Variants in CSDE1 observed in about 807,000 individuals in gnomAD.
The protein encoded by CSDE1 is cold shock domain-containing protein E1.
Under a neutral mutation model 89.3 loss-of-function variants are expected in CSDE1, and 17 were observed. That is an observed-to-expected ratio of 0.19 (90% CI 0.13 to 0.29). The LOEUF (loss-of-function observed/expected upper bound fraction) is 0.29. Among genes scored for constraint, CSDE1 ranks in the 10% least tolerant of loss-of-function variants. The pLI is 1.00. For synonymous variants in CSDE1, 322 were observed against 332.8 expected (o/e 0.97, Z 0.35); for missense variants, 672 against 984.2 (o/e 0.68, Z 4.24).
chr1:114,718,262 G>A (rs780294044), intron 19 of CSDE1, 46 bp from the exon 20 acceptor site: 45 of 1,386,270 alleles, frequency 3.2e-5, no homozygotes, highest in Admixed American at 2.1e-4. Context: ...TGATTTGAGC[G>A]CACAACAATC....
At chr1:114,721,451 C>T (rs941997857) in intron 16 of CSDE1, among the ~76,000 whole-genome samples, 1 of 152,116 alleles carries the variant, frequency 6.6e-6, no homozygotes, top group Non-Finnish European at 1.5e-5. Flanking sequence ...AAAAACTATG[C>T]CAAAGAATTC....
intron 14 of CSDE1, 94 bp downstream of exon 14, chr1:114,726,117 A>G (rs1172196033): frequency 1.6e-6 from 2 of 1,248,944 alleles, no homozygotes; most frequent in Middle Eastern, 2.7e-4. Context: ...CTGAACCTCA[A>G]CAAGTATAAT....
chr1:114,741,709 C>T, intron 2 of CSDE1: 2 of 1,424,384 alleles, frequency 1.4e-6, no homozygotes, highest in Non-Finnish European at 1.9e-6. Flanking sequence ...TAACTATGAT[C>T]AATAACAATT....
Position 114,738,124 on chromosome 1 carries a change from A to G in CSDE1, c.200-52T>C, listed in dbSNP as rs183091344. ...GTTGAACTGATTTTTGCGAAACGAT[A>G]TATTGCTTCCAAGCTATACTTAACA... On this transcript the variant is annotated intron_variant, in intron 3 of 19. Transcript: ENST00000358528. 1,003 of 1,342,852 alleles carry G rather than the reference A, an allele frequency of 7.5e-4. 7 individuals carry two copies. In the African/African-American group the frequency reaches 0.013, roughly 17 times the overall value. The allele number at this position is 1,342,852 out of a possible 1,614,324, so 83.2% of individuals were successfully genotyped here.
rs752985259 is a variant in CSDE1 at position 114,738,661 on chromosome 1, C to CTTTTTTTTTT, written c.200-599_200-590dup. ...AAGCCAAACACTTCACATGTAAAAA[C>CTTTTTTTTTT]TTTTTTTTTTTTTTTTTTTTTTTTT... is the stretch of plus-strand genomic sequence containing the variant. On this transcript the variant is annotated intron_variant, in intron 3 of 19. Coordinates refer to ENST00000358528, the MANE Select transcript of CSDE1 (RefSeq NM_001007553.3). Among the ~76,000 whole-genome samples the CTTTTTTTTTT allele has an allele frequency of 1.6e-3, 132 of 80,044 alleles. 8 individuals carry two copies. Among genetic ancestry groups the CTTTTTTTTTT allele is most frequent in the Non-Finnish European group, 2.3e-3 (97 of 41,990 alleles). 52.5% of individuals were successfully genotyped at this position (80,044 alleles called of 152,430 possible). A position where few individuals can be genotyped will look rare whatever the true frequency, so the allele number is the denominator to read the frequency against.
intron 2 of CSDE1, among the ~76,000 whole-genome samples, chr1:114,745,367 A>C (rs993590735): frequency 1.3e-5 from 2 of 152,236 alleles, no homozygotes; most frequent in Admixed American, 6.5e-5. Flanking sequence ...TAACTTATGT[A>C]ATGCTATGTG....
intron 2 of CSDE1, among the ~76,000 whole-genome samples, chr1:114,742,357 G>C (rs887380948): frequency 2.6e-5 from 4 of 152,184 alleles, no homozygotes; most frequent in Admixed American, 6.5e-5. Context: ...GGGAGGCCGG[G>C]GTGGACATGA....
At chr1:114,751,845 A>G (rs193203676) in intron 1 of CSDE1, among the ~76,000 whole-genome samples, 39 of 152,258 alleles carry the variant, frequency 2.6e-4, no homozygotes, top group African/African-American at 7.0e-4. Context: ...TTCCCTCGCT[A>G]TATCTTTTGT....
intron 2 of CSDE1, among the ~76,000 whole-genome samples, chr1:114,746,276 A>C (rs1282783387): frequency 6.6e-6 from 1 of 152,180 alleles, no homozygotes; most frequent in African/African-American, 2.4e-5. Flanking sequence ...TAAAGTACTG[A>C]GTGATTACAC....
chr1:114,732,649 T>C lies in CSDE1; in HGVS notation c.1005A>G (p.Glu335=). The C allele has an allele frequency of 6.2e-7, 1 of 1,614,190 alleles. No individual in the cohort carries two copies. Among genetic ancestry groups the C allele is most frequent in the Non-Finnish European group, 8.5e-7 (1 of 1,180,032 alleles). The change falls in exon 10 of 20, where the codon GAA becomes GAG. Residue 335 remains glutamate (E), a synonymous_variant. Coordinates refer to ENST00000358528, the MANE Select transcript of CSDE1 (RefSeq NM_001007553.3). The part of the protein sequence containing the change: ...RDKLERATNI[E]VLSNTFQFTN... ...TGAACTGAAATGTATTTGACAGAACTTCTATATTGGTTGCTCGCTCTAATT... is the reference window on the plus strand; with the variant it reads ...TGAACTGAAATGTATTTGACAGAACCTCTATATTGGTTGCTCGCTCTAATT...
intron 16 of CSDE1, among the ~76,000 whole-genome samples, chr1:114,722,041 C>T (rs149130397): frequency 6.6e-6 from 1 of 151,798 alleles, no homozygotes; most frequent in Non-Finnish European, 1.5e-5. Flanking sequence ...ACCATGATAC[C>T]TGGCTAATTT....
intron 2 of CSDE1, chr1:114,741,593 G>A: frequency 6.5e-7 from 1 of 1,550,130 alleles, no homozygotes; most frequent in Admixed American, 2.0e-5. Flanking sequence ...ATGAAGATAA[G>A]GGTAAAGAAA....
chr1:114,719,216 G>C (rs970482011), intron 18 of CSDE1, among the ~76,000 whole-genome samples: 3 of 152,168 alleles, frequency 2.0e-5, no homozygotes, highest in Non-Finnish European at 4.4e-5. Flanking sequence ...AGCTGACGTG[G>C]GAGAATTGCT....
At chr1:114,756,357 AG>A in intron 1 of CSDE1, among the ~76,000 whole-genome samples, 1 of 152,298 alleles carries the variant, frequency 6.6e-6, no homozygotes, top group South Asian at 2.1e-4. Context: ...TATTTATCTA[AG>A]TTTTATGACT....
intron 2 of CSDE1, among the ~76,000 whole-genome samples, chr1:114,743,013 A>G (rs1660815569): frequency 6.6e-6 from 1 of 152,216 alleles, no homozygotes; most frequent in South Asian, 2.1e-4. Context: ...TAATTACACA[A>G]TTTGTAAACA....
chr1:114,718,625 T>C lies in CSDE1; in HGVS notation c.2337A>G (p.Pro779=). The stretch of plus-strand genomic sequence containing the variant: ...TATGCCCTCATACCATTGAGTTATC[T>C]GGTCCCCTTGGCTGACGAAGAACCA... ...RLMVLRQPRG[P]DNSMGFGAER... The change falls in exon 19 of 20, where the codon CCA becomes CCG. Residue 779 remains proline, a synonymous_variant. Transcript: ENST00000358528. The C allele has an allele frequency of 3.1e-6, 5 of 1,614,128 alleles. No individual in the cohort carries two copies. Among genetic ancestry groups the C allele is most frequent in the Non-Finnish European group, 4.2e-6 (5 of 1,179,992 alleles).
chr1:114,734,372 A>G (rs1660277625), intron 7 of CSDE1, 70 bp downstream of exon 7: 1 of 1,353,712 alleles, frequency 7.4e-7, no homozygotes, highest in Non-Finnish European at 1.0e-6. Context: ...AAAAAAACAA[A>G]GGCTGGAGTT....
intron 18 of CSDE1, 36 bp from the exon 19 acceptor site, chr1:114,718,781 TTG>T: frequency 6.2e-7 from 1 of 1,607,036 alleles, no homozygotes; most frequent in Non-Finnish European, 8.5e-7. Context: ...GAAACCACAC[TTG>T]GTGGGCAGAC....
Position 114,733,679 on chromosome 1 carries a change from T to G in CSDE1, c.837+53A>C, listed in dbSNP as rs138962164. 2.6e-6 allele frequency: 4 copies of G among 1,514,832 alleles called. No homozygotes were observed. In the African/African-American group the frequency reaches 5.5e-5, roughly 21 times the overall value. 93.8% of individuals were successfully genotyped at this position (1,514,832 alleles called of 1,614,324 possible). The stretch of plus-strand genomic sequence containing the variant: ...TAAAATCTCAGTATACCACACCATA[T>G]TATTCTATTACTACTGAGGCGAAAT... On this transcript the variant is annotated intron_variant, in intron 9 of 19. Coordinates refer to ENST00000358528, the MANE Select transcript of CSDE1 (RefSeq NM_001007553.3).
Sources: allele counts gnomAD v4.1 joint callset (sites outside exome capture counted in the v4.1 genomes callset), GRCh38; gene constraint gnomAD v4.1.1; transcripts MANE v1.5; gene names NCBI Gene and HGNC (gene_info 2026-07-23, HGNC 2026-07-21).